Variants in HS6ST3 observed in about 807,000 individuals in gnomAD.
The protein encoded by HS6ST3 is heparan sulfate 6-O-sulfotransferase 3.
In HS6ST3, 12 loss-of-function variants were observed where a neutral mutation model predicts 36.7. That is an observed-to-expected ratio of 0.33 (90% CI 0.21 to 0.53). HS6ST3 has a LOEUF of 0.53. HS6ST3 is among the 20% of genes least tolerant of loss of function. The probability of loss-of-function intolerance (pLI) is 0.95; values close to 1 mark genes in which losing one functional copy is unlikely to be tolerated. For synonymous variants in HS6ST3, 240 were observed against 257.5 expected (o/e 0.93, Z 0.65); for missense variants, 584 against 640.9 (o/e 0.91, Z 0.96).
chr13:96,440,825 G>A lies in HS6ST3; in HGVS notation c.707+349256G>A, dbSNP rs2055667122. On this transcript the variant is annotated intron_variant, in intron 1 of 1. Transcript: ENST00000376705. ...AAAAAAATGGTTGACAGTGAGAAAT[G>A]CAGAGGAATAATTAATCCCTTTACC... Among the ~76,000 whole-genome samples, 4 of 152,178 alleles carry A rather than the reference G, an allele frequency of 2.6e-5. 1 individual carries two copies. The South Asian group carries it at 8.3e-4, about 32-fold the overall frequency.
chr13:96,736,589 A>G (rs564967045), intron 1 of HS6ST3, among the ~76,000 whole-genome samples: 5 of 152,212 alleles, frequency 3.3e-5, no homozygotes, highest in Admixed American at 6.5e-5. Flanking sequence ...AGAATTAACA[A>G]GGTAGATTTA....
At position 96,417,590 on chromosome 13, in the gene HS6ST3, ATGTGTG is replaced by A. The variant is rs148288275; in HGVS notation, c.707+326049_707+326054del. Among the ~76,000 whole-genome samples, 76 of 139,968 alleles carry A rather than the reference ATGTGTG, an allele frequency of 5.4e-4. 1 individual carries two copies. Among genetic ancestry groups the A allele is most frequent in the Middle Eastern group, 3.6e-3 (1 of 274 alleles). 91.8% of individuals were successfully genotyped at this position (139,968 alleles called of 152,430 possible). ...TGGTGAAAAAAAATAGCATATATAT[ATGTGTG>A]TGTGTGTGTGTGTGTGTGTGTGTGT... On this transcript the variant is annotated intron_variant, in intron 1 of 1. Coordinates refer to ENST00000376705, the MANE Select transcript of HS6ST3 (RefSeq NM_153456.4).
intron 1 of HS6ST3, among the ~76,000 whole-genome samples, chr13:96,466,420 A>G (rs902852864): frequency 6.6e-6 from 1 of 152,106 alleles, no homozygotes; most frequent in African/African-American, 2.4e-5. Flanking sequence ...TCTTTTGACA[A>G]ACGTCTCTCC....
At chr13:96,710,955 T>C (rs1470797119) in intron 1 of HS6ST3, among the ~76,000 whole-genome samples, 2 of 152,256 alleles carry the variant, frequency 1.3e-5, no homozygotes, top group African/African-American at 4.8e-5. Flanking sequence ...ATCATGTTGA[T>C]ATTAGAATAG....
At chr13:96,249,386 C>G (rs1156479926) in intron 1 of HS6ST3, among the ~76,000 whole-genome samples, 4 of 152,016 alleles carry the variant, frequency 2.6e-5, no homozygotes, top group Non-Finnish European at 5.9e-5. Flanking sequence ...AAAAAGGAAG[C>G]TAAATCACCC....
intron 1 of HS6ST3, among the ~76,000 whole-genome samples, chr13:96,185,024 A>G (rs1376542166): frequency 2.6e-5 from 4 of 152,218 alleles, no homozygotes; most frequent in African/African-American, 9.6e-5. Flanking sequence ...AGTCTTAGAC[A>G]TACTACAGAA....
At chr13:96,547,538 G>T (rs2056202180) in intron 1 of HS6ST3, among the ~76,000 whole-genome samples, 1 of 152,038 alleles carries the variant, frequency 6.6e-6, no homozygotes, top group Admixed American at 6.6e-5. Context: ...CTTTCCCTTA[G>T]ATTAACTTTA....
intron 1 of HS6ST3, among the ~76,000 whole-genome samples, chr13:96,491,472 CAAA>C (rs10632047): frequency 4.0e-5 from 5 of 123,682 alleles, no homozygotes; most frequent in African/African-American, 9.6e-5. Flanking sequence ...TACTAATGTG[CAAA>C]AAAAAAAAAA....
intron 1 of HS6ST3, among the ~76,000 whole-genome samples, chr13:96,255,151 A>G (rs2139379968): frequency 6.6e-6 from 1 of 152,338 alleles, no homozygotes; most frequent in East Asian, 1.9e-4. Flanking sequence ...TAGGCATTGG[A>G]GACTCAGAGA....
chr13:96,106,794 G>A (rs1018959979), intron 1 of HS6ST3, among the ~76,000 whole-genome samples: 1 of 152,198 alleles, frequency 6.6e-6, no homozygotes, highest in Non-Finnish European at 1.5e-5. Flanking sequence ...AGAGTCGTGA[G>A]GAAAGGGAAG....
intron 1 of HS6ST3, among the ~76,000 whole-genome samples, chr13:96,642,438 G>A (rs1594825227): frequency 1.3e-5 from 2 of 151,286 alleles, no homozygotes; most frequent in South Asian, 2.1e-4. Flanking sequence ...CATCAAATTT[G>A]GAAGTTTCTG....
intron 1 of HS6ST3, among the ~76,000 whole-genome samples, chr13:96,726,034 C>T (rs964556945): frequency 9.9e-5 from 15 of 152,176 alleles, no homozygotes; most frequent in African/African-American, 2.4e-4. Flanking sequence ...GACCGGGTTT[C>T]GCCATCTTGG....
At chr13:96,226,640 A>G (rs909915646) in intron 1 of HS6ST3, among the ~76,000 whole-genome samples, 1 of 152,266 alleles carries the variant, frequency 6.6e-6, no homozygotes, top group African/African-American at 2.4e-5. Flanking sequence ...TACTATTTAA[A>G]TGGAACAACA....
At chr13:96,773,683 G>T (rs1252177565) in intron 1 of HS6ST3, among the ~76,000 whole-genome samples, 1 of 152,276 alleles carries the variant, frequency 6.6e-6, no homozygotes, top group East Asian at 1.9e-4. Context: ...CCAGTCAGGG[G>T]CTTATAGATA....
Position 96,090,336 on chromosome 13 carries a change from G to A in HS6ST3, c.-527G>A, listed in dbSNP as rs2139288400. 6.8e-6 allele frequency among the ~76,000 whole-genome samples: 1 copy of A among 147,170 alleles called. No homozygotes were observed. The highest frequency in any genetic ancestry group is 6.7e-5 in the Admixed American group (1 of 14,828). On this transcript the variant is annotated 5_prime_UTR_variant, in exon 1 of 2. Transcript: ENST00000376705. ...CGCGACCTGCCGGCAAAGGCGCCGG[G>A]CGCGCGTGCCGGGCGCGGTGCCCGC...
intron 1 of HS6ST3, among the ~76,000 whole-genome samples, chr13:96,283,269 T>C (rs947861967): frequency 6.6e-6 from 1 of 152,212 alleles, no homozygotes; most frequent in African/African-American, 2.4e-5. Context: ...GATTAAATCA[T>C]TGTTGTTCTT....
intron 1 of HS6ST3, among the ~76,000 whole-genome samples, chr13:96,369,402 G>A (rs1237587257): frequency 6.6e-6 from 1 of 152,146 alleles, no homozygotes; most frequent in African/African-American, 2.4e-5. Context: ...GATGCCTTAA[G>A]GGACCTAATT....
chr13:96,720,308 T>G (rs1322049598), intron 1 of HS6ST3, among the ~76,000 whole-genome samples: 1 of 152,158 alleles, frequency 6.6e-6, no homozygotes, highest in East Asian at 1.9e-4. Flanking sequence ...CATAGTAACT[T>G]GGATATAGTA....
intron 1 of HS6ST3, among the ~76,000 whole-genome samples, chr13:96,093,668 C>T (rs1408820851): frequency 6.6e-6 from 1 of 151,742 alleles, no homozygotes; most frequent in Non-Finnish European, 1.5e-5. Context: ...CCCAGTAATT[C>T]TCAATTACTT....
Sources: allele counts gnomAD v4.1 joint callset (sites outside exome capture counted in the v4.1 genomes callset), GRCh38; gene constraint gnomAD v4.1.1; transcripts MANE v1.5; gene names NCBI Gene and HGNC (gene_info 2026-07-23, HGNC 2026-07-21).